MYLIP: variants seen among roughly 807,000 people sequenced by gnomAD.
MYLIP encodes myosin regulatory light chain interacting protein.
MYLIP carries 26 observed loss-of-function variants against 45.8 expected under a neutral mutation model. The ratio of observed to expected loss-of-function variants is 0.57; its 90% CI spans 0.42 to 0.79. The LOEUF is 0.79. Among genes scored for constraint, MYLIP ranks in the 30% least tolerant of loss-of-function variants. The probability of loss-of-function intolerance (pLI) is 0.00; values close to 1 mark genes in which losing one functional copy is unlikely to be tolerated. For missense variants in MYLIP, 494 were observed against 555.6 expected, an observed-to-expected ratio of 0.89 and a Z score of 1.11; for synonymous variants, 213 against 218.1, an observed-to-expected ratio of 0.98 and a Z score of 0.21.
At chr6:16,153,695 C>T in the MYLIP span, among the ~76,000 whole-genome samples, 1 of 152,096 alleles carries the variant, frequency 6.6e-6, no homozygotes, top group Admixed American at 6.6e-5. Flanking sequence ...AGTGTGTGTG[C>T]CAGAGTTAGG....
At chr6:16,162,945 C>T in the MYLIP span, among the ~76,000 whole-genome samples, 5 of 152,050 alleles carry the variant, frequency 3.3e-5, no homozygotes, top group Non-Finnish European at 2.9e-5. Context: ...AAAGATGACA[C>T]GCCCTCTGCT....
the MYLIP span, among the ~76,000 whole-genome samples, chr6:16,154,803 C>A: frequency 6.6e-6 from 1 of 152,300 alleles, no homozygotes; most frequent in South Asian, 2.1e-4. Context: ...AGGCTTCCCC[C>A]TTTGCACAGC....
rs150429938 is a variant in MYLIP at position 16,143,722 on chromosome 6, T to C, written c.686T>C (p.Met229Thr). Reference protein sequence around the residue: ...INRIAYPVVQMATQSGKNVYL... With the variant: ...INRIAYPVVQTATQSGKNVYL... ...AGGATAGCTTATCCTGTGGTGCAGA[T>C]GGCCACCCAGTCAGGAAAGAATGTA... The change falls in exon 5 of 7, where the codon ATG becomes ACG. Residue 229 changes from methionine to threonine, a missense_variant. Coordinates refer to ENST00000356840, the MANE Select transcript of MYLIP (RefSeq NM_013262.4). The C allele has an allele frequency of 6.5e-5, 105 of 1,614,000 alleles. No homozygotes were observed. Among genetic ancestry groups the C allele is most frequent in the Non-Finnish European group, 1.9e-5 (23 of 1,180,020 alleles).
In MYLIP at chr6:16,145,113, C is replaced by G. The variant is rs1759760370; in HGVS notation, c.1044C>G (p.His348Gln). Residue 348 changes from histidine to glutamine, a missense_variant, in exon 6 of 7, where the codon CAC becomes CAG. Physicochemically the swap from His to Gln is conservative, Grantham distance 24. Transcript: ENST00000356840. ...LVSRNNQSPS[H>Q]SPLKSSESSM... ...CAAGAAACAACCAGAGCCCTTCACA[C>G]TCGCCTCTGAAGTCCTCAGAAAGCA... The G allele has an allele frequency of 1.2e-6, 2 of 1,614,122 alleles. No individual in the cohort carries two copies. Among genetic ancestry groups the G allele is most frequent in the Admixed American group, 1.7e-5 (1 of 60,012 alleles).
At chr6:16,150,306 A>G (rs777768225), downstream of MYLIP, among the ~76,000 whole-genome samples, 9 of 152,150 alleles carry the variant, frequency 5.9e-5, no homozygotes, top group Non-Finnish European at 8.8e-5. Flanking sequence ...AGAAAGCCAT[A>G]ACATGTGGCA....
chr6:16,151,407 G>A (rs1759879773), downstream of MYLIP, among the ~76,000 whole-genome samples: 1 of 151,930 alleles, frequency 6.6e-6, no homozygotes, highest in South Asian at 2.1e-4. Flanking sequence ...ACGTCACCAC[G>A]TTTGCATGTG....
the MYLIP span, among the ~76,000 whole-genome samples, chr6:16,162,532 G>C: frequency 6.6e-6 from 1 of 152,064 alleles, no homozygotes; most frequent in African/African-American, 2.4e-5. Context: ...GTCTTCCTTG[G>C]TAAATAGATC....
Position 16,129,152 on chromosome 6 carries a change from G to C in MYLIP, c.-171G>C. 1 of 630,114 alleles carries C rather than the reference G, an allele frequency of 1.6e-6. No individual in the cohort carries two copies. 39.0% of individuals were successfully genotyped at this position (630,114 alleles called of 1,614,324 possible). ...GCAGCTGGCGGGCAGCGGGTGAGGG[G>C]GTGGCGGGGACGCGAGTGGCGGCCG... is the stretch of plus-strand genomic sequence containing the variant. On this transcript the variant is annotated 5_prime_UTR_variant, in exon 1 of 7. Coordinates refer to ENST00000356840, the MANE Select transcript of MYLIP (RefSeq NM_013262.4). This position sits in a 1 kb window ranked among gnomAD's most constrained non-coding sequence, Gnocchi z 5.1.
At chr6:16,131,712 G>T (rs1324527677) in intron 2 of MYLIP, among the ~76,000 whole-genome samples, 1 of 152,160 alleles carries the variant, frequency 6.6e-6, no homozygotes, top group Non-Finnish European at 1.5e-5. Context: ...TGATGAATGA[G>T]CATTATCCTT....
intron 2 of MYLIP, among the ~76,000 whole-genome samples, chr6:16,131,160 G>T (rs1187741618): frequency 6.6e-6 from 1 of 152,044 alleles, no homozygotes; most frequent in African/African-American, 2.4e-5. Flanking sequence ...CTAACAGAAA[G>T]CAGGAAACAG....
At chr6:16,148,544 T>A (rs766971292), downstream of MYLIP, among the ~76,000 whole-genome samples, 1 of 151,998 alleles carries the variant, frequency 6.6e-6, no homozygotes, top group Non-Finnish European at 1.5e-5. Flanking sequence ...TTTGGGTGGT[T>A]AGATTGGTAT....
downstream of MYLIP, among the ~76,000 whole-genome samples, chr6:16,149,162 T>C (rs965287026): frequency 2.0e-5 from 3 of 152,190 alleles, no homozygotes; most frequent in Non-Finnish European, 4.4e-5. Flanking sequence ...TTAGATAATA[T>C]GCAGAATCCA....
intron 2 of MYLIP, among the ~76,000 whole-genome samples, chr6:16,136,474 G>A (rs191649152): frequency 3.9e-5 from 6 of 152,076 alleles, no homozygotes; most frequent in African/African-American, 9.6e-5. Flanking sequence ...TTGTTTATCC[G>A]TACTCCTAAT....
In MYLIP at chr6:16,137,739, A is replaced by G. The variant is rs985061916; in HGVS notation, c.279-3886A>G. Among the ~76,000 whole-genome samples the G allele has an allele frequency of 4.6e-5, 7 of 152,196 alleles. 1 individual carries two copies. Among genetic ancestry groups the G allele is most frequent in the Admixed American group, 2.0e-4 (3 of 15,284 alleles). On this transcript the variant is annotated intron_variant, in intron 2 of 6. Coordinates refer to ENST00000356840, the MANE Select transcript of MYLIP (RefSeq NM_013262.4). The stretch of plus-strand genomic sequence containing the variant: ...CTCTGATTACAACTCTTAAAAGATA[A>G]ATGATCTAACTTCATTCCTTAACAT...
In MYLIP at chr6:16,130,698, A is replaced by C. The variant is rs778797876; in HGVS notation, c.229A>C (p.Arg77=). Residue 77 remains arginine (R), a synonymous_variant, in exon 2 of 7, where the codon AGA becomes CGA. Coordinates refer to ENST00000356840, the MANE Select transcript of MYLIP (RefSeq NM_013262.4). ...DGLAPYRLKL[R]VKFFVEPHLI... ...GCTAGCCCCTTACAGGCTTAAACTTAGAGTCAAGTTCTTCGTGGAGCCTCA... is the reference window on the plus strand; with the variant it reads ...GCTAGCCCCTTACAGGCTTAAACTTCGAGTCAAGTTCTTCGTGGAGCCTCA... The C allele has an allele frequency of 1.2e-6, 2 of 1,614,162 alleles. No individual in the cohort carries two copies. Among genetic ancestry groups the C allele is most frequent in the Non-Finnish European group, 8.5e-7 (1 of 1,180,018 alleles).
intron 1 of MYLIP, 132 bp from the exon 2 acceptor site, chr6:16,130,425 C>A: frequency 1.2e-6 from 1 of 869,280 alleles, no homozygotes. Flanking sequence ...CTTTGTTTTT[C>A]CAGTTTAGAT....
chr6:16,155,467 A>T, the MYLIP span, among the ~76,000 whole-genome samples: 152 of 152,368 alleles, frequency 1.0e-3, 1 homozygote, highest in Admixed American at 4.6e-3. Context: ...AGAACAAGGG[A>T]ATGAAAAATA....
Position 16,129,476 on chromosome 6 carries a change from C to G in MYLIP, c.87+67C>G. On this transcript the variant is annotated intron_variant, in intron 1 of 6. Transcript: ENST00000356840. The surrounding 1 kb of genome is among the most constrained non-coding windows in gnomAD (Gnocchi z 5.1). The stretch of plus-strand genomic sequence containing the variant: ...AGGCCGAGGGGCCTCGCAGCGACGC[C>G]TGGCACTCTGGCGCGCCCCCTACTA... 2.7e-6 allele frequency: 4 copies of G among 1,466,608 alleles called. No homozygotes were observed. The highest frequency in any genetic ancestry group is 3.7e-6 in the Non-Finnish European group (4 of 1,078,910). The allele number at this position is 1,466,608 out of a possible 1,614,324, so 90.8% of individuals were successfully genotyped here. A position where few individuals can be genotyped will look rare whatever the true frequency, so the allele number is the denominator to read the frequency against.
the MYLIP span, among the ~76,000 whole-genome samples, chr6:16,157,319 T>C: frequency 6.6e-6 from 1 of 152,254 alleles, no homozygotes; most frequent in Non-Finnish European, 1.5e-5. Flanking sequence ...CCATGGCACT[T>C]TGAACCAACA....
Sources: allele counts gnomAD v4.1 joint callset (sites outside exome capture counted in the v4.1 genomes callset), GRCh38; gene constraint gnomAD v4.1.1; non-coding constraint Gnocchi (gnomAD v3.1); transcripts MANE v1.5; gene names NCBI Gene and HGNC (gene_info 2026-07-23, HGNC 2026-07-21).